RBFOX3: variants seen among roughly 807,000 people sequenced by gnomAD.
RBFOX3 encodes RNA binding protein fox-1 homolog 3.
Under a neutral mutation model 48.7 loss-of-function variants are expected in RBFOX3, and 17 were observed. The observed-to-expected ratio is 0.35, with a 90% CI of 0.24 to 0.52. RBFOX3 has a LOEUF of 0.52. RBFOX3 is among the 20% of genes least tolerant of loss of function. The pLI, the probability that RBFOX3 is intolerant of heterozygous loss-of-function variation, is 0.94. For synonymous variants in RBFOX3, 212 were observed against 209.5 expected (o/e 1.01, Z -0.10); for missense variants, 382 against 497.5 (o/e 0.77, Z 2.21).
At chr17:79,652,589 G>GGAAAGGAAAGGAAAGGAAAGGAAAGGAA in the RBFOX3 span, among the ~76,000 whole-genome samples, 1 of 924 alleles carries the variant, frequency 1.1e-3, no homozygotes. Context: ...GAGGAGAGGA[G>GGAAAGGAAAGGAAAGGAAAGGAAAGGAA]AGGAGAGGAG....
intron 1 of RBFOX3, among the ~76,000 whole-genome samples, chr17:79,566,376 G>A (rs1396648641): frequency 1.3e-5 from 2 of 152,134 alleles, no homozygotes; most frequent in African/African-American, 2.4e-5. Flanking sequence ...CAGTAGCTCC[G>A]TCCTTCATCA....
In RBFOX3 at chr17:79,254,334, G is replaced by C. The variant is rs1244628304; in HGVS notation, c.-73-18529C>G. Among the ~76,000 whole-genome samples, 4 of 152,062 alleles carry C rather than the reference G, an allele frequency of 2.6e-5. 1 individual carries two copies. Among genetic ancestry groups the C allele is most frequent in the Non-Finnish European group, 5.9e-5 (4 of 67,998 alleles). On this transcript the variant is annotated intron_variant, in intron 3 of 14. Transcript: ENST00000693108. This position sits in a 1 kb window ranked among gnomAD's most constrained non-coding sequence, Gnocchi z 4.8. ...ACCCTGCCCACCCCGCAACCCCCAGGTGGCAGCAGGTGAGGAACCTTACTC... is the reference window on the plus strand; with the variant it reads ...ACCCTGCCCACCCCGCAACCCCCAGCTGGCAGCAGGTGAGGAACCTTACTC...
chr17:79,475,227 C>T (rs1432912991), intron 2 of RBFOX3, among the ~76,000 whole-genome samples: 1 of 152,142 alleles, frequency 6.6e-6, no homozygotes, highest in East Asian at 1.9e-4. Flanking sequence ...CTGTGGACGG[C>T]CTTCTGACCT....
rs760717048 is a variant in RBFOX3, at chr17:79,483,783, A to AAATG, written c.-319-1189_-319-1186dup. On this transcript the variant is annotated intron_variant, in intron 1 of 14. Coordinates refer to ENST00000693108, the MANE Select transcript of RBFOX3 (RefSeq NM_001350451.2). Reference sequence around the variant, plus strand: ...TCCGTATTCTTCTGAGTGGATAAGTAAATGAATGAATGAATGAACCCACAA... The same window carrying AAATG: ...TCCGTATTCTTCTGAGTGGATAAGTAAATGAATGAATGAATGAATGAACCCACAA... Among the ~76,000 whole-genome samples, 811 of 152,164 alleles carry AAATG rather than the reference A, an allele frequency of 5.3e-3. 6 individuals carry two copies. The highest frequency in any genetic ancestry group is 9.7e-3 in the Non-Finnish European group (659 of 68,026).
Position 79,311,368 on chromosome 17 carries a change from G to C in RBFOX3, c.-174-3544C>G, listed in dbSNP as rs527733541. Among the ~76,000 whole-genome samples, 1 of 150,118 alleles carries C rather than the reference G, an allele frequency of 6.7e-6. No homozygotes were observed. The highest frequency in any genetic ancestry group is 2.1e-4 in the South Asian group (1 of 4,660). ...GAATCACTCGAACCTGGGAGGCAGA[G>C]GTTGCAGTGAGCCAAGATCACACCA... On this transcript the variant is annotated intron_variant, in intron 2 of 14. Coordinates refer to ENST00000693108, the MANE Select transcript of RBFOX3 (RefSeq NM_001350451.2). The surrounding 1 kb of genome is among the most constrained non-coding windows in gnomAD (Gnocchi z 4.2).
At chr17:79,330,515 C>T (rs370852184) in intron 2 of RBFOX3, among the ~76,000 whole-genome samples, 31 of 152,174 alleles carry the variant, frequency 2.0e-4, no homozygotes, top group African/African-American at 2.4e-4. Context: ...TTGAAATAGA[C>T]GAGGGGATAT....
intron 4 of RBFOX3, among the ~76,000 whole-genome samples, chr17:79,123,932 C>T (rs759587352): frequency 8.5e-5 from 13 of 152,204 alleles, no homozygotes; most frequent in Admixed American, 2.0e-4. Flanking sequence ...ACCACGAACG[C>T]CATTTTTACA....
At chr17:79,156,102 C>T (rs2045729300) in intron 4 of RBFOX3, among the ~76,000 whole-genome samples, 1 of 152,224 alleles carries the variant, frequency 6.6e-6, no homozygotes, top group South Asian at 2.1e-4. Context: ...TGGGGACTGA[C>T]ACACTTGGGG....
chr17:79,414,317 A>G (rs934174083), intron 2 of RBFOX3, among the ~76,000 whole-genome samples: 3 of 151,976 alleles, frequency 2.0e-5, no homozygotes, highest in Admixed American at 6.6e-5. Context: ...TGGCCACCCT[A>G]CCCCCTTCCT....
chr17:79,360,978 T>C, intron 2 of RBFOX3, among the ~76,000 whole-genome samples: 1 of 152,196 alleles, frequency 6.6e-6, no homozygotes, highest in Non-Finnish European at 1.5e-5. Flanking sequence ...GAGAGAAGCC[T>C]GTCCGGGTTA....
intron 4 of RBFOX3, among the ~76,000 whole-genome samples, chr17:79,150,485 G>A (rs951442448): frequency 2.6e-5 from 4 of 152,100 alleles, no homozygotes; most frequent in South Asian, 2.1e-4. Flanking sequence ...CCCTGGTCCC[G>A]CCTGCCCATC....
chr17:79,354,717 C>T (rs1343781670), intron 2 of RBFOX3, among the ~76,000 whole-genome samples: 1 of 152,220 alleles, frequency 6.6e-6, no homozygotes, highest in Non-Finnish European at 1.5e-5. Context: ...GGTTTCCCTT[C>T]CCAGATGTGT....
At chr17:79,447,736 T>C (rs1395694587) in intron 2 of RBFOX3, among the ~76,000 whole-genome samples, 4 of 152,204 alleles carry the variant, frequency 2.6e-5, no homozygotes, top group African/African-American at 9.7e-5. Flanking sequence ...ATGCCATCCA[T>C]GTGAGCATTG....
intron 3 of RBFOX3, among the ~76,000 whole-genome samples, chr17:79,304,001 T>G (rs1449681296): frequency 1.3e-5 from 2 of 152,254 alleles, no homozygotes; most frequent in Admixed American, 6.5e-5. Flanking sequence ...GTTTTACCCA[T>G]TATAGGAAGT....
intron 2 of RBFOX3, among the ~76,000 whole-genome samples, chr17:79,337,582 C>A (rs2081391296): frequency 1.3e-5 from 2 of 152,212 alleles, no homozygotes; most frequent in African/African-American, 4.8e-5. Flanking sequence ...TCGAGACCAG[C>A]CTGCCCAAGA....
At chr17:79,572,460 CACCCCTCTTGCCCCTTCTCCCAG>C (rs2092709599) in intron 1 of RBFOX3, among the ~76,000 whole-genome samples, 1 of 151,974 alleles carries the variant, frequency 6.6e-6, no homozygotes, top group Admixed American at 6.6e-5. Context: ...AGGCCGATCC[CACCCCTCTTGCCCCTTCTCCCAG>C]ACCCCTCCCA....
chr17:79,548,514 C>T (rs1555792677), intron 1 of RBFOX3, among the ~76,000 whole-genome samples: 1 of 152,258 alleles, frequency 6.6e-6, no homozygotes, highest in African/African-American at 2.4e-5. Flanking sequence ...GGAAGCGCAG[C>T]TGTGCCCAGG....
At chr17:79,104,001 G>C in intron 7 of RBFOX3, 72 bp downstream of exon 7, 1 of 1,339,124 alleles carries the variant, frequency 7.5e-7, no homozygotes, top group East Asian at 2.5e-5. Flanking sequence ...GGAAGGAAAC[G>C]CACATTTCAC....
At chr17:79,368,089 G>A (rs574002203) in intron 2 of RBFOX3, among the ~76,000 whole-genome samples, 11 of 152,328 alleles carry the variant, frequency 7.2e-5, no homozygotes, top group Middle Eastern at 3.4e-3. Flanking sequence ...ATTAAGAGGC[G>A]TGGGGACAGA....
Sources: allele counts gnomAD v4.1 joint callset (sites outside exome capture counted in the v4.1 genomes callset), GRCh38; gene constraint gnomAD v4.1.1; non-coding constraint Gnocchi (gnomAD v3.1); transcripts MANE v1.5; gene names NCBI Gene and HGNC (gene_info 2026-07-23, HGNC 2026-07-21).